Variants in IQCH observed in about 807,000 individuals in gnomAD.
IQCH encodes the protein IQ motif containing H, also known as IQ domain-containing protein H.
A neutral mutation model predicts 117.0 loss-of-function variants in IQCH; 98 were observed. The observed-to-expected ratio is 0.84, with a 90% CI of 0.71 to 0.99. IQCH has a LOEUF of 0.99. Ranked by LOEUF, IQCH falls within the 50% of genes least tolerant of loss-of-function variation. The probability of loss-of-function intolerance (pLI) is 0.00; values close to 1 mark genes in which losing one functional copy is unlikely to be tolerated. For missense variants in IQCH, 1,102 were observed against 1,243.8 expected (o/e 0.89, Z 1.72); for synonymous variants, 412 against 448.2 (o/e 0.92, Z 1.02).
In IQCH at chr15:67,302,918, G is replaced by A. The variant is rs76299091; in HGVS notation, c.387+23406G>A. Among the ~76,000 whole-genome samples the A allele has an allele frequency of 2.0e-5, 3 of 152,212 alleles. No homozygotes were observed. In the East Asian group the frequency reaches 5.8e-4, roughly 29 times the overall value. On this transcript the variant is annotated intron_variant, in intron 4 of 20. Transcript: ENST00000335894. The stretch of plus-strand genomic sequence containing the variant: ...ATTAAAAAGTAAAAGGAAGATTTGG[G>A]ATATCTGTTAAAGACCTTACCTAAA...
chr15:67,499,984 C>T (rs1045825985), intron 20 of IQCH, among the ~76,000 whole-genome samples: 15 of 152,200 alleles, frequency 9.9e-5, no homozygotes, highest in African/African-American at 3.6e-4. Context: ...TGGGGAGTGA[C>T]AGCTAATGGG....
At chr15:67,398,064 AG>A (rs1971526392) in intron 13 of IQCH, among the ~76,000 whole-genome samples, 1 of 152,206 alleles carries the variant, frequency 6.6e-6, no homozygotes. Flanking sequence ...TCATTACTGT[AG>A]GGGATCCATC....
Position 67,436,493 on chromosome 15 carries a change from C to T in IQCH, c.2505+14916C>T, listed in dbSNP as rs1040399674. Among the ~76,000 whole-genome samples, 3 of 152,144 alleles carry T rather than the reference C, an allele frequency of 2.0e-5. No homozygotes were observed. Among genetic ancestry groups the T allele is most frequent in the South Asian group, 2.1e-4 (1 of 4,834 alleles). On this transcript the variant is annotated intron_variant, in intron 16 of 20. Transcript: ENST00000335894. This position sits in a 1 kb window ranked among gnomAD's most constrained non-coding sequence, Gnocchi z 5.1. ...TCAGGACGGTGGCCAGAGAAGCAGG[C>T]GGTAAATCTCCACAGGGAGAAGGAA...
At position 67,460,396 on chromosome 15, in the gene IQCH, G is replaced by A. The variant is rs945700825; in HGVS notation, c.2506-4731G>A. Among the ~76,000 whole-genome samples, 10 of 152,182 alleles carry A rather than the reference G, an allele frequency of 6.6e-5. No individual in the cohort carries two copies. The South Asian group carries it at 2.1e-3, about 32-fold the overall frequency. On this transcript the variant is annotated intron_variant, in intron 16 of 20. Coordinates refer to ENST00000335894, the MANE Select transcript of IQCH (RefSeq NM_001031715.3). ...GCAAAGCTGAAGTCATGTTGCTTGT[G>A]TAACTTTCTATCCTCCTTTTGCTGT...
In IQCH at chr15:67,432,381, A is replaced by T. The variant is rs61459143; in HGVS notation, c.2505+10804A>T. Reference sequence around the variant, plus strand: ...CAGAATATCAGCCTAGAATAAAAAAAAATCTGAAAATATTTTCATTGCAAT... The same window carrying T: ...CAGAATATCAGCCTAGAATAAAAAATAATCTGAAAATATTTTCATTGCAAT... On this transcript the variant is annotated intron_variant, in intron 16 of 20. Coordinates refer to ENST00000335894, the MANE Select transcript of IQCH (RefSeq NM_001031715.3). The surrounding 1 kb of genome is among the most constrained non-coding windows in gnomAD (Gnocchi z 5.0). 0.015 allele frequency among the ~76,000 whole-genome samples: 2,227 copies of T among 152,318 alleles called. 57 individuals carry two copies. Among genetic ancestry groups the T allele is most frequent in the African/African-American group, 0.051 (2,115 of 41,568 alleles).
At chr15:67,318,181 A>T (rs1359266438) in intron 4 of IQCH, among the ~76,000 whole-genome samples, 1 of 152,052 alleles carries the variant, frequency 6.6e-6, no homozygotes, top group Non-Finnish European at 1.5e-5. Flanking sequence ...CCATGTTTGG[A>T]TGTATGATCT....
intron 4 of IQCH, among the ~76,000 whole-genome samples, chr15:67,317,632 C>T (rs771808797): frequency 9.9e-5 from 15 of 152,250 alleles, no homozygotes; most frequent in South Asian, 4.1e-4. Flanking sequence ...AAAGGGACTT[C>T]GTATCTTTTC....
chr15:67,389,326 G>C (rs962626583), intron 12 of IQCH, among the ~76,000 whole-genome samples: 2 of 152,128 alleles, frequency 1.3e-5, no homozygotes, highest in Non-Finnish European at 2.9e-5. Flanking sequence ...GCAGAGAAAG[G>C]CTGGGCCTGT....
intron 4 of IQCH, among the ~76,000 whole-genome samples, chr15:67,306,314 A>G (rs555190657): frequency 6.6e-6 from 1 of 152,158 alleles, no homozygotes; most frequent in Non-Finnish European, 1.5e-5. Context: ...TTTCAAAAGC[A>G]CTTACCCAAA....
At position 67,447,232 on chromosome 15, in the gene IQCH, A is replaced by G. The variant is rs2082409787; in HGVS notation, c.2506-17895A>G. ...CAAATACCACAGTGCCTTGCACTTA[A>G]TAGGCCCTTAATCTACATCAGTGTC... is the stretch of plus-strand genomic sequence containing the variant. On this transcript the variant is annotated intron_variant, in intron 16 of 20. Coordinates refer to ENST00000335894, the MANE Select transcript of IQCH (RefSeq NM_001031715.3). The surrounding 1 kb of genome is among the most constrained non-coding windows in gnomAD (Gnocchi z 5.3). Among the ~76,000 whole-genome samples the G allele has an allele frequency of 6.6e-6, 1 of 152,226 alleles. No homozygotes were observed. The highest frequency in any genetic ancestry group is 1.5e-5 in the Non-Finnish European group (1 of 68,034).
chr15:67,388,620 G>A lies in IQCH; in HGVS notation c.1457-211G>A, dbSNP rs1276112727. Among the ~76,000 whole-genome samples, 2 of 152,114 alleles carry A rather than the reference G, an allele frequency of 1.3e-5. No homozygotes were observed. Among genetic ancestry groups the A allele is most frequent in the African/African-American group, 2.4e-5 (1 of 41,418 alleles). On this transcript the variant is annotated intron_variant, in intron 11 of 20. Coordinates refer to ENST00000335894, the MANE Select transcript of IQCH (RefSeq NM_001031715.3). The surrounding 1 kb of genome is among the most constrained non-coding windows in gnomAD (Gnocchi z 5.5). Reference sequence around the variant, plus strand: ...GAATCATTGCATCTATTTCGTTGGTGGTGGTGTTATTTATATTTTCTTTAG... The same window carrying A: ...GAATCATTGCATCTATTTCGTTGGTAGTGGTGTTATTTATATTTTCTTTAG...
At position 67,496,975 on chromosome 15, in the gene IQCH, G is replaced by A. The variant is rs1170080937; in HGVS notation, c.2970+2609G>A. On this transcript the variant is annotated intron_variant, in intron 20 of 20. Coordinates refer to ENST00000335894, the MANE Select transcript of IQCH (RefSeq NM_001031715.3). The surrounding 1 kb of genome is among the most constrained non-coding windows in gnomAD (Gnocchi z 4.4). ...GGAGCTTGCAGTGAGCCGAGATTGC[G>A]CCACTGCAGTCCGCAGTCCGGCCTG... Among the ~76,000 whole-genome samples the A allele has an allele frequency of 2.2e-5, 3 of 135,916 alleles. No individual in the cohort carries two copies. The highest frequency in any genetic ancestry group is 8.1e-5 in the Admixed American group (1 of 12,402). 89.2% of individuals were successfully genotyped at this position (135,916 alleles called of 152,430 possible).
intron 3 of IQCH, among the ~76,000 whole-genome samples, chr15:67,269,449 A>G (rs1434652782): frequency 6.6e-6 from 1 of 152,190 alleles, no homozygotes; most frequent in Admixed American, 6.5e-5. Flanking sequence ...AGGTAATTGG[A>G]TTTTCCATTA....
intron 4 of IQCH, among the ~76,000 whole-genome samples, chr15:67,316,638 A>G (rs892293538): frequency 1.3e-5 from 2 of 152,216 alleles, no homozygotes; most frequent in Admixed American, 6.5e-5. Flanking sequence ...TACACTTTAC[A>G]TGGATCATCT....
At position 67,466,849 on chromosome 15, in the gene IQCH, C is replaced by T. The variant is rs2082943325; in HGVS notation, c.2676+1552C>T. The T allele has an allele frequency of 6.6e-6, 1 of 152,332 alleles. No homozygotes were observed. Among genetic ancestry groups the T allele is most frequent in the Admixed American group, 6.5e-5 (1 of 15,272 alleles). 9.4% of individuals were successfully genotyped at this position (152,332 alleles called of 1,614,324 possible). A position where few individuals can be genotyped will look rare whatever the true frequency, so the allele number is the denominator to read the frequency against. ...TCCTCACCAAAGAGACCTGAGAGAC[C>T]CTATGTTCAGTGCTAGAGGGAGAAA... On this transcript the variant is annotated intron_variant, in intron 17 of 20. Coordinates refer to ENST00000335894, the MANE Select transcript of IQCH (RefSeq NM_001031715.3). This position sits in a 1 kb window ranked among gnomAD's most constrained non-coding sequence, Gnocchi z 4.4.
chr15:67,328,851 G>T (rs1968529836), intron 4 of IQCH, among the ~76,000 whole-genome samples: 1 of 152,184 alleles, frequency 6.6e-6, no homozygotes, highest in South Asian at 2.1e-4. Context: ...GGTGGCAATA[G>T]AATTCAGAAT....
In IQCH at chr15:67,453,030, T is replaced by G. The variant is rs1675955249; in HGVS notation, c.2506-12097T>G. ...AGTTGATCACGTCGGCTAATAAGGC[T>G]TCTGCATTCGTCACGTAGCTCTCGT... On this transcript the variant is annotated intron_variant, in intron 16 of 20. Coordinates refer to ENST00000335894, the MANE Select transcript of IQCH (RefSeq NM_001031715.3). This position sits in a 1 kb window ranked among gnomAD's most constrained non-coding sequence, Gnocchi z 5.8. 6.6e-6 allele frequency among the ~76,000 whole-genome samples: 1 copy of G among 152,252 alleles called. No homozygotes were observed. The highest frequency in any genetic ancestry group is 2.1e-4 in the South Asian group (1 of 4,832).
chr15:67,451,187 T>C (rs1468568454), intron 16 of IQCH, among the ~76,000 whole-genome samples: 25 of 152,204 alleles, frequency 1.6e-4, no homozygotes. Flanking sequence ...CCTGGACTCA[T>C]TGATTTTTTG....
chr15:67,451,158 T>C (rs2082515349), intron 16 of IQCH, among the ~76,000 whole-genome samples: 1 of 152,206 alleles, frequency 6.6e-6, no homozygotes, highest in Non-Finnish European at 1.5e-5. Flanking sequence ...ATTTTGTTGA[T>C]CTTTTCAAAA....
Sources: gnomAD v4.1 joint callset for allele counts (sites outside exome capture counted in the v4.1 genomes callset) on GRCh38, gnomAD v4.1.1 for gene constraint, Gnocchi (gnomAD v3.1) non-coding constraint, MANE v1.5 for transcripts, NCBI Gene and HGNC (gene_info 2026-07-23, HGNC 2026-07-21) for gene names.